FRMPD4: variants seen among roughly 807,000 people sequenced by gnomAD.
FRMPD4 encodes the protein FERM and PDZ domain-containing protein 4.
Under a neutral mutation model 94.1 loss-of-function variants are expected in FRMPD4, and 22 were observed. The observed-to-expected ratio is 0.23, with a 90% CI of 0.17 to 0.33. The LOEUF is 0.33. Among genes scored for constraint, FRMPD4 ranks in the 10% least tolerant of loss-of-function variants. The probability of loss-of-function intolerance (pLI) is 1.00; values close to 1 mark genes in which losing one functional copy is unlikely to be tolerated. For missense variants in FRMPD4, 1,111 were observed against 1,339.9 expected (o/e 0.83, Z 2.67); for synonymous variants, 631 against 548.6 (o/e 1.15, Z -2.10).
Position 12,717,027 on chromosome X carries a change from C to T in FRMPD4, c.2568C>T (p.Ser856=), listed in dbSNP as rs2042101747. 7 of 1,209,570 alleles carry T rather than the reference C, an allele frequency of 5.8e-6. No homozygotes were observed. The East Asian group carries it at 8.9e-5, about 15-fold the overall frequency. ...CCCTCATTGACGCTGTGCCCACCAGCGCCGAAGGCAAGTGTGAGAAGGGAC... is the reference window on the plus strand; with the variant it reads ...CCCTCATTGACGCTGTGCCCACCAGTGCCGAAGGCAAGTGTGAGAAGGGAC... ...PVSLIDAVPT[S]AEGKCEKGLD... is the part of the protein sequence containing the mutation. Residue 856 remains serine, a synonymous_variant, in exon 15 of 17, where the codon AGC becomes AGT. Transcript: ENST00000675598.
chrX:12,114,264 T>G (rs1383317058), intron 3 of FRMPD4, among the ~76,000 whole-genome samples: 2 of 112,035 alleles, frequency 1.8e-5, no homozygotes, highest in Non-Finnish European at 3.8e-5. Flanking sequence ...GTTTCTTTCT[T>G]AAATTTGAAC....
intron 1 of FRMPD4, among the ~76,000 whole-genome samples, chrX:12,385,888 G>A (rs1356584296): frequency 8.9e-6 from 1 of 112,259 alleles, no homozygotes; most frequent in Non-Finnish European, 1.9e-5. Context: ...TTAAGATAGT[G>A]CTTTGTTTTT....
At chrX:12,651,072 T>C (rs1354386728) in intron 4 of FRMPD4, among the ~76,000 whole-genome samples, 2 of 112,496 alleles carry the variant, frequency 1.8e-5, no homozygotes, top group Admixed American at 9.4e-5. Flanking sequence ...AACACAATGA[T>C]GGAAATGATA....
chrX:12,038,625 A>G (rs6640868), intron 3 of FRMPD4, among the ~76,000 whole-genome samples: 7,316 of 111,762 alleles, frequency 0.065, 258 homozygotes, highest in East Asian at 0.24. Flanking sequence ...ATATTCTCCT[A>G]TGTTCTCCCC....
intron 1 of FRMPD4, among the ~76,000 whole-genome samples, chrX:12,451,733 C>CGTGT (rs72300557): frequency 0.07 from 6,928 of 98,583 alleles, 251 homozygotes; most frequent in Admixed American, 0.13. Flanking sequence ...TGTGTATGCC[C>CGTGT]GTGTGTGTGT....
Position 12,086,011 on chromosome X carries a change from A to G in FRMPD4, c.95+207993A>G, listed in dbSNP as rs182397442. ...TATAATAATGATTGATATAACTACT[A>G]CCATTTATAGACAGCATTATATTTG... On this transcript the variant is annotated intron_variant, in intron 3 of 18. Transcript: ENST00000640291. Among the ~76,000 whole-genome samples the G allele has an allele frequency of 4.0e-3, 451 of 111,689 alleles. 7 individuals carry two copies. Among genetic ancestry groups the G allele is most frequent in the African/African-American group, 0.014 (426 of 30,688 alleles).
intron 2 of FRMPD4, among the ~76,000 whole-genome samples, chrX:12,559,185 ACATTTGAGAAAACAAAAG>A (rs1204270388): frequency 8.9e-6 from 1 of 112,486 alleles, no homozygotes; most frequent in Non-Finnish European, 1.9e-5. Context: ...AATCAGGAGT[ACATTTGAGAAAACAAAAG>A]CACAAGAGAA....
chrX:12,595,051 A>C (rs1050787011), intron 2 of FRMPD4, among the ~76,000 whole-genome samples: 1 of 112,033 alleles, frequency 8.9e-6, no homozygotes, highest in South Asian at 3.8e-4. Flanking sequence ...GGCTCAGTAA[A>C]TGTTAGCAGC....
intron 9 of FRMPD4, among the ~76,000 whole-genome samples, chrX:12,697,778 T>G (rs1304537883): frequency 5.3e-5 from 6 of 112,276 alleles, no homozygotes; most frequent in Non-Finnish European, 9.4e-5. Context: ...TGTTTCTGCT[T>G]TCTTGCCTTG....
At chrX:11,876,416 A>C (rs2053785856) in intron 2 of FRMPD4, among the ~76,000 whole-genome samples, 1 of 109,783 alleles carries the variant, frequency 9.1e-6, no homozygotes, top group South Asian at 4.0e-4. Context: ...GGTTGATAAC[A>C]GTTACACAAT....
chrX:11,852,888 A>C (rs567624901), intron 1 of FRMPD4, among the ~76,000 whole-genome samples: 14 of 111,763 alleles, frequency 1.3e-4, no homozygotes, highest in African/African-American at 3.9e-4. Flanking sequence ...TGGACTCAGC[A>C]CTGGTTCAAA....
chrX:12,193,835 GAAGAAAGA>G (rs1288056876), intron 1 of FRMPD4, among the ~76,000 whole-genome samples: 15 of 28,632 alleles, frequency 5.2e-4, no homozygotes, highest in African/African-American at 2.3e-3. Context: ...AGGAGGGAAG[GAAGAAAGA>G]AAAGAAAGAA....
intron 3 of FRMPD4, among the ~76,000 whole-genome samples, chrX:11,944,546 C>G (rs902034848): frequency 8.9e-5 from 10 of 111,756 alleles, no homozygotes; most frequent in African/African-American, 2.6e-4. Context: ...ATGGGCAGTG[C>G]AGTCAGCGTA....
chrX:12,413,300 C>G (rs2056758293), intron 1 of FRMPD4, among the ~76,000 whole-genome samples: 1 of 111,861 alleles, frequency 8.9e-6, no homozygotes, highest in Non-Finnish European at 1.9e-5. Flanking sequence ...TCCAGTCACC[C>G]AGTATGGTAG....
chrX:12,075,189 T>C (rs2055002896), intron 3 of FRMPD4, among the ~76,000 whole-genome samples: 1 of 112,258 alleles, frequency 8.9e-6, no homozygotes, highest in African/African-American at 3.2e-5. Context: ...GGTGGATACT[T>C]GTCATTATAC....
At chrX:12,297,416 G>A (rs2054789463) in intron 1 of FRMPD4, among the ~76,000 whole-genome samples, 1 of 109,626 alleles carries the variant, frequency 9.1e-6, no homozygotes, top group African/African-American at 3.3e-5. Flanking sequence ...CAGAATCATG[G>A]GAAGGATAGA....
chrX:12,055,127 T>A (rs1212312609), intron 3 of FRMPD4, among the ~76,000 whole-genome samples: 1 of 112,367 alleles, frequency 8.9e-6, no homozygotes, highest in Non-Finnish European at 1.9e-5. Context: ...TATATCCTAA[T>A]AAAGCTGGGG....
chrX:11,945,516 C>A (rs766681996), intron 3 of FRMPD4, among the ~76,000 whole-genome samples: 5 of 111,410 alleles, frequency 4.5e-5, no homozygotes, highest in Non-Finnish European at 7.5e-5. Flanking sequence ...AAAGAATACC[C>A]AAAGCTGGGT....
At chrX:12,036,852 G>A (rs754162870) in intron 3 of FRMPD4, among the ~76,000 whole-genome samples, 4 of 112,041 alleles carry the variant, frequency 3.6e-5, no homozygotes, top group Non-Finnish European at 7.5e-5. Flanking sequence ...TATGTGCAAA[G>A]ATTCTAAAAC....
Sources: allele counts gnomAD v4.1 joint callset (sites outside exome capture counted in the v4.1 genomes callset), GRCh38; gene constraint gnomAD v4.1.1; transcripts MANE v1.5; gene names NCBI Gene and HGNC (gene_info 2026-07-23, HGNC 2026-07-21).